The following ITPR2 variants were observed in gnomAD, a reference collection of about 807,000 sequenced individuals.
ITPR2 encodes inositol 1,4,5-trisphosphate receptor type 2.
In ITPR2, 207 loss-of-function variants were observed where a neutral mutation model predicts 317.1. The ratio of observed to expected loss-of-function variants is 0.65; its 90% CI spans 0.58 to 0.73. ITPR2 has a LOEUF of 0.73. ITPR2 is among the 30% of genes least tolerant of loss of function. The pLI is 0.00. For missense variants in ITPR2, 2,613 were observed against 3,284.0 expected, an observed-to-expected ratio of 0.80 and a Z score of 4.99; for synonymous variants, 1,156 against 1,149.1, an observed-to-expected ratio of 1.01 and a Z score of -0.12.
chr12:26,532,380 A>T (rs1441116954), intron 37 of ITPR2, among the ~76,000 whole-genome samples: 1 of 152,168 alleles, frequency 6.6e-6, no homozygotes, highest in Non-Finnish European at 1.5e-5. Flanking sequence ...TTTTTCAATG[A>T]AATATTTTTT....
intron 2 of ITPR2, among the ~76,000 whole-genome samples, chr12:26,759,817 A>C (rs1949597723): frequency 6.6e-6 from 1 of 152,242 alleles, no homozygotes; most frequent in African/African-American, 2.4e-5. Context: ...GAACTAAAAA[A>C]ACTAACAGCA....
At chr12:26,430,618 G>A (rs1041607831) in intron 48 of ITPR2, among the ~76,000 whole-genome samples, 4 of 152,134 alleles carry the variant, frequency 2.6e-5, no homozygotes, top group African/African-American at 9.7e-5. Flanking sequence ...GAAGGGAGGA[G>A]CATTTTCTCT....
intron 37 of ITPR2, among the ~76,000 whole-genome samples, chr12:26,531,251 C>T (rs1399604759): frequency 6.6e-6 from 1 of 152,200 alleles, no homozygotes; most frequent in African/African-American, 2.4e-5. Flanking sequence ...TAACACACTA[C>T]AGCATTAAAG....
chr12:26,766,777 CTT>C (rs1164400018), intron 2 of ITPR2, among the ~76,000 whole-genome samples: 3 of 152,066 alleles, frequency 2.0e-5, no homozygotes, highest in African/African-American at 7.2e-5. Flanking sequence ...CTATGATCCA[CTT>C]TGAGTTAATT....
intron 55 of ITPR2, among the ~76,000 whole-genome samples, chr12:26,370,242 G>A (rs1939142375): frequency 1.3e-5 from 2 of 152,188 alleles, no homozygotes; most frequent in African/African-American, 4.8e-5. Flanking sequence ...AAAGCAGTTG[G>A]CGTATGAAGT....
At chr12:26,735,001 T>C (rs77640457) in intron 2 of ITPR2, among the ~76,000 whole-genome samples, 3 of 148,154 alleles carry the variant, frequency 2.0e-5, no homozygotes, top group African/African-American at 7.5e-5. Flanking sequence ...CCAGTCTTTT[T>C]TTTTTTTTTT....
intron 2 of ITPR2, among the ~76,000 whole-genome samples, chr12:26,771,794 T>A (rs1357942731): frequency 1.3e-5 from 2 of 152,208 alleles, no homozygotes; most frequent in Non-Finnish European, 2.9e-5. Flanking sequence ...ATTACAGGCA[T>A]AAGCCACCGT....
chr12:26,712,127 G>A (rs1306823687), intron 8 of ITPR2, among the ~76,000 whole-genome samples: 1 of 152,024 alleles, frequency 6.6e-6, no homozygotes, highest in Non-Finnish European at 1.5e-5. Flanking sequence ...CAATTACTGG[G>A]GTATGACCAC....
At chr12:26,578,205 C>A (rs1412964659) in intron 34 of ITPR2, among the ~76,000 whole-genome samples, 1 of 151,782 alleles carries the variant, frequency 6.6e-6, no homozygotes, top group African/African-American at 2.4e-5. Flanking sequence ...GACACCCCAC[C>A]CCCATACACA....
In ITPR2 at chr12:26,799,808, A is replaced by G. The variant is rs143892529; in HGVS notation, c.93-9581T>C. On this transcript the variant is annotated intron_variant, in intron 1 of 56. Transcript: ENST00000381340. ...TTCTCATGAAAGTCAAAGCATCTGC[A>G]AAGTACTTTTCTCAGAATATAAACA... is the stretch of plus-strand genomic sequence containing the variant. Among the ~76,000 whole-genome samples, 1,102 of 152,342 alleles carry G rather than the reference A, an allele frequency of 7.2e-3. 17 individuals are homozygous for G. The highest frequency in any genetic ancestry group is 0.025 in the African/African-American group (1,026 of 41,568).
intron 2 of ITPR2, among the ~76,000 whole-genome samples, chr12:26,786,713 G>A (rs965371847): frequency 6.6e-6 from 1 of 151,970 alleles, no homozygotes; most frequent in African/African-American, 2.4e-5. Context: ...AAACATTGGA[G>A]GAGTTGTACT....
In ITPR2 at chr12:26,337,223, A is replaced by C. The variant is rs1282547306; in HGVS notation, c.*2174T>G. 6.6e-6 allele frequency: 1 copy of C among 152,154 alleles called. No individual in the cohort carries two copies. Among genetic ancestry groups the C allele is most frequent in the Non-Finnish European group, 1.5e-5 (1 of 68,014 alleles). 9.4% of individuals were successfully genotyped at this position (152,154 alleles called of 1,614,324 possible). A position where few individuals can be genotyped will look rare whatever the true frequency, so the allele number is the denominator to read the frequency against. On this transcript the variant is annotated 3_prime_UTR_variant, in exon 57 of 57. Coordinates refer to ENST00000381340, the MANE Select transcript of ITPR2 (RefSeq NM_002223.4). ...ATACACCTAATGGCTTATTCCCTAC[A>C]AAATGAACTATTATGGTGTCAGAAA...
At chr12:26,422,154 TTAATA>T (rs1190597590) in intron 49 of ITPR2, among the ~76,000 whole-genome samples, 1 of 150,086 alleles carries the variant, frequency 6.7e-6, no homozygotes, top group Admixed American at 6.7e-5. Flanking sequence ...AAATGATTAA[TTAATA>T]TATTTAATTT....
At chr12:26,473,347 G>A (rs1454646586) in intron 45 of ITPR2, among the ~76,000 whole-genome samples, 1 of 152,128 alleles carries the variant, frequency 6.6e-6, no homozygotes, top group Non-Finnish European at 1.5e-5. Context: ...TTCATTGTCT[G>A]CTGGCCAATC....
intron 55 of ITPR2, among the ~76,000 whole-genome samples, chr12:26,386,477 CA>C (rs958115560): frequency 3.9e-5 from 6 of 152,098 alleles, no homozygotes; most frequent in African/African-American, 1.2e-4. Flanking sequence ...TGTTATCCTC[CA>C]AAAATGTTCT....
In ITPR2 at chr12:26,483,908, A is replaced by C; in HGVS notation, c.5812-10T>G. On this transcript the variant is annotated splice_polypyrimidine_tract_variant and intron_variant, in intron 41 of 56. Transcript: ENST00000381340. The stretch of plus-strand genomic sequence containing the variant: ...GATTCCTCAAGAAGTTCTGAAGGCA[A>C]AAGAAAATAAAATTGAAGGGTTACA... 1 of 1,611,002 alleles carries C rather than the reference A, an allele frequency of 6.2e-7. No individual in the cohort carries two copies. The highest frequency in any genetic ancestry group is 1.1e-5 in the South Asian group (1 of 91,006).
rs534937190 is a variant in ITPR2, at chr12:26,552,102, G to GA, written c.4965-1748dup. Among the ~76,000 whole-genome samples, 8 of 152,292 alleles carry GA rather than the reference G, an allele frequency of 5.3e-5. No homozygotes were observed. In the South Asian group the frequency reaches 1.7e-3, roughly 32 times the overall value. On this transcript the variant is annotated intron_variant, in intron 36 of 56. Transcript: ENST00000381340. ...AGACCCACAGCAGAGACTTGTAAATGATGACATGTGGGAAGTGGAAGAGGA... is the reference window on the plus strand; with the variant it reads ...AGACCCACAGCAGAGACTTGTAAATGAATGACATGTGGGAAGTGGAAGAGGA...
chr12:26,502,536 T>C (rs1435690052), intron 37 of ITPR2, among the ~76,000 whole-genome samples: 1 of 152,162 alleles, frequency 6.6e-6, no homozygotes, highest in Non-Finnish European at 1.5e-5. Flanking sequence ...TAGAGTACTG[T>C]TTGTTACTGA....
intron 37 of ITPR2, among the ~76,000 whole-genome samples, chr12:26,536,674 G>A (rs1944101706): frequency 1.3e-5 from 2 of 150,872 alleles, no homozygotes; most frequent in Admixed American, 1.3e-4. Context: ...CTCTGGAAGA[G>A]AGATGGTCAG....
Sources: allele counts gnomAD v4.1 joint callset (sites outside exome capture counted in the v4.1 genomes callset), GRCh38; gene constraint gnomAD v4.1.1; transcripts MANE v1.5; gene names NCBI Gene and HGNC (gene_info 2026-07-23, HGNC 2026-07-21).